The following UBASH3A variants were observed in gnomAD, a reference collection of about 807,000 sequenced individuals.
UBASH3A encodes ubiquitin associated and SH3 domain containing A.
UBASH3A carries 63 observed loss-of-function variants against 73.5 expected under a neutral mutation model. The observed-to-expected ratio is 0.86, with a 90% confidence interval of 0.70 to 1.06. UBASH3A has a LOEUF of 1.06. Ranked by LOEUF, UBASH3A falls within the 50% of genes least tolerant of loss-of-function variation. The pLI is 0.00. For synonymous variants in UBASH3A, 363 were observed against 351.1 expected, an observed-to-expected ratio of 1.03 and a Z score of -0.38; for missense variants, 860 against 859.0, an observed-to-expected ratio of 1.00 and a Z score of -0.02.
chr21:42,442,476 A>G lies in UBASH3A; in HGVS notation c.1511A>G (p.Lys504Arg). ...GAACTCAAACTGGAGAAAAAAATCAAGATACGAGTGGAACCTGGAATCTTT... is the reference window on the plus strand; with the variant it reads ...GAACTCAAACTGGAGAAAAAAATCAGGATACGAGTGGAACCTGGAATCTTT... ...LEELKLEKKI[K>R]IRVEPGIFEW... The change falls in exon 12 of 15, where the codon AAG becomes AGG. Residue 504 changes from lysine to arginine, a missense_variant. Transcript: ENST00000319294. 5 of 1,614,180 alleles carry G rather than the reference A, an allele frequency of 3.1e-6. No homozygotes were observed. Among genetic ancestry groups the G allele is most frequent in the Non-Finnish European group, 4.2e-6 (5 of 1,180,026 alleles).
chr21:42,442,788 A>G (rs760012085), intron 12 of UBASH3A, among the ~76,000 whole-genome samples, 192 bp downstream of exon 12: 41 of 152,192 alleles, frequency 2.7e-4, no homozygotes, highest in Non-Finnish European at 2.5e-4. Flanking sequence ...GCCACAGAGC[A>G]GGGTGGGGGT....
chr21:42,405,574 G>A (rs530804054), intron 1 of UBASH3A, among the ~76,000 whole-genome samples: 7 of 152,312 alleles, frequency 4.6e-5, no homozygotes, highest in South Asian at 2.1e-4. Flanking sequence ...CAGCCCCATC[G>A]GTGCCCACCC....
chr21:42,418,294 T>G, intron 6 of UBASH3A, 107 bp from the exon 7 acceptor site: 5 of 924,572 alleles, frequency 5.4e-6, no homozygotes, highest in African/African-American at 1.6e-5. Flanking sequence ...ACAGAACACA[T>G]TGGAGGGGCA....
chr21:42,419,075 T>C (rs1026216666), intron 7 of UBASH3A, among the ~76,000 whole-genome samples: 43 of 152,220 alleles, frequency 2.8e-4, no homozygotes, highest in Admixed American at 2.7e-3. Context: ...CACTGGGTCC[T>C]CAGCTCGGGG....
At position 42,434,900 on chromosome 21, in the gene UBASH3A, T is replaced by A. The variant is rs779067259; in HGVS notation, c.1339T>A (p.Phe447Ile). The A allele has an allele frequency of 6.2e-7, 1 of 1,614,214 alleles. No homozygotes were observed. Among genetic ancestry groups the A allele is most frequent in the East Asian group, 2.2e-5 (1 of 44,892 alleles). The part of the protein sequence containing the change: ...LPRRSRGIKD[F>I]ENDPPLSSCG... ...AAGACGGAGTCGTGGGATCAAAGAC[T>A]TTGAAAACGATCCCCCATTATCATC... Residue 447 changes from phenylalanine to isoleucine, a missense_variant, in exon 10 of 15, where the codon TTT becomes ATT. Transcript: ENST00000319294.
intron 6 of UBASH3A, chr21:42,417,531 G>C (rs2053239385): frequency 6.6e-6 from 1 of 151,934 alleles, no homozygotes; most frequent in Non-Finnish European, 1.5e-5. Context: ...TTAAATGTAG[G>C]GGCCATGCTA....
At chr21:42,418,817 C>G (rs1184857358) in intron 7 of UBASH3A, among the ~76,000 whole-genome samples, 2 of 152,170 alleles carry the variant, frequency 1.3e-5, no homozygotes, top group Non-Finnish European at 2.9e-5. Context: ...GAATGAATTA[C>G]TCTGCATTAG....
chr21:42,418,321 A>G (rs1240084041), intron 6 of UBASH3A, 80 bp from the exon 7 acceptor site: 1 of 1,248,576 alleles, frequency 8.0e-7, no homozygotes, highest in East Asian at 2.3e-5. Context: ...AGGAGGTGGC[A>G]GGTGATAGGC....
intron 3 of UBASH3A, among the ~76,000 whole-genome samples, chr21:42,411,342 GACAC>G (rs201018405): frequency 6.6e-6 from 1 of 150,740 alleles, no homozygotes; most frequent in Admixed American, 6.6e-5. Context: ...CATGCACATA[GACAC>G]ACACAGACAC....
chr21:42,437,702 A>G (rs2053652186), intron 11 of UBASH3A, 122 bp downstream of exon 11: 1 of 867,800 alleles, frequency 1.2e-6, no homozygotes, highest in East Asian at 2.6e-5. Context: ...CACCAAAGTC[A>G]TCAGGCAAGT....
chr21:42,433,432 C>T (rs2053571467), intron 9 of UBASH3A, among the ~76,000 whole-genome samples: 1 of 152,186 alleles, frequency 6.6e-6, no homozygotes, highest in Non-Finnish European at 1.5e-5. Context: ...GGGCCCCTCA[C>T]CTCACCCCAT....
intron 13 of UBASH3A, 96 bp from the exon 14 acceptor site, chr21:42,444,438 G>A (rs2053811128): frequency 1.1e-6 from 1 of 920,230 alleles, no homozygotes; most frequent in Non-Finnish European, 1.8e-6. Flanking sequence ...GGGGCACTCT[G>A]AGATAGCTCT....
At chr21:42,428,561 T>TATCA (rs2053478294) in intron 8 of UBASH3A, among the ~76,000 whole-genome samples, 1 of 152,118 alleles carries the variant, frequency 6.6e-6, no homozygotes, top group Non-Finnish European at 1.5e-5. Flanking sequence ...CCAACAACCC[T>TATCA]ATCATCTGGA....
In UBASH3A at chr21:42,447,279, C is replaced by A; in HGVS notation, c.*85C>A. 1 of 1,404,728 alleles carries A rather than the reference C, an allele frequency of 7.1e-7. No homozygotes were observed. The highest frequency in any genetic ancestry group is 2.1e-4 in the Middle Eastern group (1 of 4,750). 87.0% of individuals were successfully genotyped at this position (1,404,728 alleles called of 1,614,324 possible). On this transcript the variant is annotated 3_prime_UTR_variant, in exon 15 of 15. Transcript: ENST00000319294. ...TGGGAGATGCTGCTGTTTCCAGAGG[C>A]GTCTTAGTCTCACCCAATGTGATTT... is the stretch of plus-strand genomic sequence containing the variant.
At position 42,439,064 on chromosome 21, in the gene UBASH3A, G is replaced by A. The variant is rs927741021; in HGVS notation, c.1486+1484G>A. ...CATGTCCTCAGATCCCCTTCGCCCC[G>A]TCAGAGACGCTCCCTCAGAGCACCT... On this transcript the variant is annotated intron_variant, in intron 11 of 14. Coordinates refer to ENST00000319294, the MANE Select transcript of UBASH3A (RefSeq NM_018961.4). 4.6e-5 allele frequency among the ~76,000 whole-genome samples: 7 copies of A among 152,038 alleles called. 1 individual carries two copies. Among genetic ancestry groups the A allele is most frequent in the Admixed American group, 2.6e-4 (4 of 15,274 alleles).
intron 7 of UBASH3A, among the ~76,000 whole-genome samples, chr21:42,422,982 A>G (rs1054358866): frequency 6.6e-6 from 1 of 152,248 alleles, no homozygotes; most frequent in African/African-American, 2.4e-5. Context: ...CCATTTCATA[A>G]TGTTTAAATG....
At chr21:42,429,965 C>T (rs912264843) in intron 8 of UBASH3A, among the ~76,000 whole-genome samples, 1 of 152,156 alleles carries the variant, frequency 6.6e-6, no homozygotes, top group African/African-American at 2.4e-5. Flanking sequence ...CCAGGGCCAC[C>T]GAGAACTGTC....
rs769209101 is a variant in UBASH3A at position 42,437,584 on chromosome 21, A to G, written c.1486+4A>G. 9 of 1,613,818 alleles carry G rather than the reference A, an allele frequency of 5.6e-6. 1 individual carries two copies. The highest frequency in any genetic ancestry group is 1.6e-4 in the Middle Eastern group (1 of 6,076). On this transcript the variant is annotated splice_donor_region_variant and intron_variant, in intron 11 of 14. Transcript: ENST00000319294. ...ACGGCCAAACTCATCCTGGAAGGTC[A>G]GTGAGAACCTCGGTGAGCCTCTCCT...
intron 10 of UBASH3A, 175 bp downstream of exon 10, chr21:42,435,129 A>C: frequency 1.5e-6 from 1 of 684,142 alleles, no homozygotes; most frequent in Non-Finnish European, 2.3e-6. Flanking sequence ...CCAAGGTCAC[A>C]CAGCAAGAAA....
Sources: allele counts gnomAD v4.1 joint callset (sites outside exome capture counted in the v4.1 genomes callset), GRCh38; gene constraint gnomAD v4.1.1; transcripts MANE v1.5; gene names NCBI Gene and HGNC (gene_info 2026-07-23, HGNC 2026-07-21).